AKAP10: variants seen among roughly 807,000 people sequenced by gnomAD.
AKAP10 encodes A-kinase anchoring protein 10.
In AKAP10, 24 loss-of-function variants were observed where a neutral mutation model predicts 80.8. The ratio of observed to expected loss-of-function variants is 0.30; its 90% confidence interval spans 0.22 to 0.42. The LOEUF is 0.42. Ranked by LOEUF, AKAP10 falls within the 10% of genes least tolerant of loss-of-function variation. The probability of loss-of-function intolerance (pLI) is 1.00; values close to 1 mark genes in which losing one functional copy is unlikely to be tolerated. For synonymous variants in AKAP10, 291 were observed against 277.7 expected (o/e 1.05, Z -0.48); for missense variants, 661 against 794.9 (o/e 0.83, Z 2.03).
At chr17:19,973,995 G>T (rs930448957) in intron 1 of AKAP10, among the ~76,000 whole-genome samples, 24 of 152,294 alleles carry the variant, frequency 1.6e-4, no homozygotes, top group African/African-American at 5.8e-4. Context: ...CTGAGGTCAG[G>T]AGTACAAAAC....
chr17:19,946,249 A>ATATATAT (rs2043117715), intron 5 of AKAP10, among the ~76,000 whole-genome samples: 1 of 16,976 alleles, frequency 5.9e-5, no homozygotes, highest in African/African-American at 3.4e-4. Flanking sequence ...ATATATATAT[A>ATATATAT]TATATATATA....
At chr17:19,964,751 G>C (rs1001422515) in intron 2 of AKAP10, among the ~76,000 whole-genome samples, 3 of 152,208 alleles carry the variant, frequency 2.0e-5, no homozygotes, top group Admixed American at 1.3e-4. Flanking sequence ...AAATTAGCTG[G>C]GCTTGGTGGC....
intron 4 of AKAP10, among the ~76,000 whole-genome samples, chr17:19,957,585 A>G (rs2043294185): frequency 6.6e-6 from 1 of 152,208 alleles, no homozygotes. Flanking sequence ...TCTTGTGACT[A>G]ATAAATAAAA....
chr17:19,942,521 C>T (rs532105705), intron 5 of AKAP10, among the ~76,000 whole-genome samples: 1 of 152,212 alleles, frequency 6.6e-6, no homozygotes, highest in Admixed American at 6.5e-5. Context: ...TCTAGCATAA[C>T]TTTAAAAATG....
chr17:19,926,223 C>T (rs1052042614), intron 10 of AKAP10, among the ~76,000 whole-genome samples: 15 of 150,614 alleles, frequency 1.0e-4, no homozygotes, highest in African/African-American at 3.7e-4. Context: ...TCCATAGGAT[C>T]ATTTATACTG....
At chr17:19,967,483 TAA>T (rs1385221463) in intron 2 of AKAP10, among the ~76,000 whole-genome samples, 1 of 152,224 alleles carries the variant, frequency 6.6e-6, no homozygotes, top group Non-Finnish European at 1.5e-5. Context: ...ACTAAATAAA[TAA>T]AGTGAACTAA....
At chr17:19,937,521 A>G (rs1422897593) in intron 8 of AKAP10, among the ~76,000 whole-genome samples, 1 of 152,048 alleles carries the variant, frequency 6.6e-6, no homozygotes, top group Non-Finnish European at 1.5e-5. Flanking sequence ...AAAAGAAGAA[A>G]AAAAAGAAAA....
chr17:19,948,642 C>A (rs1343640637), intron 4 of AKAP10, among the ~76,000 whole-genome samples: 1 of 151,990 alleles, frequency 6.6e-6, no homozygotes, highest in Non-Finnish European at 1.5e-5. Flanking sequence ...AGCCAGACAA[C>A]AGGAAAGGGA....
At chr17:19,927,241 A>G (rs1281679644) in intron 10 of AKAP10, among the ~76,000 whole-genome samples, 1 of 152,136 alleles carries the variant, frequency 6.6e-6, no homozygotes, top group Non-Finnish European at 1.5e-5. Flanking sequence ...GGCTGAAGTA[A>G]GAGGATCACT....
chr17:19,930,706 T>C (rs112873533), intron 10 of AKAP10, among the ~76,000 whole-genome samples: 2 of 151,986 alleles, frequency 1.3e-5, no homozygotes, highest in African/African-American at 4.8e-5. Context: ...CAAGACTCCA[T>C]CATTTAAAAA....
chr17:19,961,924 T>A (rs1475316529), intron 3 of AKAP10, among the ~76,000 whole-genome samples: 1 of 152,104 alleles, frequency 6.6e-6, no homozygotes, highest in African/African-American at 2.4e-5. Context: ...GAGACCAGCT[T>A]AGGCAACATA....
intron 3 of AKAP10, among the ~76,000 whole-genome samples, chr17:19,962,289 TAC>T (rs774337313): frequency 0.12 from 16,418 of 139,134 alleles, 894 homozygotes; most frequent in Admixed American, 0.14. Flanking sequence ...CATACATACA[TAC>T]ATATACACAC....
chr17:19,912,489 A>G (rs531440086), intron 12 of AKAP10, among the ~76,000 whole-genome samples: 2 of 152,356 alleles, frequency 1.3e-5, no homozygotes, highest in African/African-American at 4.8e-5. Flanking sequence ...GTGAGCCAAC[A>G]TCGCACCACT....
chr17:19,947,414 G>A lies in AKAP10; in HGVS notation c.969C>T (p.Asp323=). Residue 323 remains aspartate (D), a synonymous_variant, in exon 5 of 15, where the codon GAC becomes GAT. Transcript: ENST00000225737. Reference sequence around the variant, plus strand: ...GTTTCAAGCACTGCTTACCTATGATGTCATTTCTCATTGCTTCTGTAATTG... The same window carrying A: ...GTTTCAAGCACTGCTTACCTATGATATCATTTCTCATTGCTTCTGTAATTG... The part of the protein sequence containing the change: ...PIPITEAMRN[D]IIARICGEDG... 2 of 1,604,908 alleles carry A rather than the reference G, an allele frequency of 1.2e-6. No homozygotes were observed. The highest frequency in any genetic ancestry group is 1.7e-6 in the Non-Finnish European group (2 of 1,172,118).
At position 19,937,218 on chromosome 17, in the gene AKAP10, C is replaced by T. The variant is rs74255380; in HGVS notation, c.1323-788G>A. On this transcript the variant is annotated intron_variant, in intron 8 of 14. Transcript: ENST00000225737. ...TGCATATATATGATACAAAAACAAG[C>T]AGGCTGGGCACAGTGGCTCACGCCT... 2.7e-3 allele frequency among the ~76,000 whole-genome samples: 407 copies of T among 152,242 alleles called. 15 individuals carry two copies. In the East Asian group the frequency reaches 0.074, roughly 28 times the overall value.
Position 19,946,275 on chromosome 17 carries a change from A to ATTTTTTT in AKAP10, c.976+1125_976+1131dup, listed in dbSNP as rs71157846. Among the ~76,000 whole-genome samples, 14 of 12,944 alleles carry ATTTTTTT rather than the reference A, an allele frequency of 1.1e-3. 1 individual carries two copies. The highest frequency in any genetic ancestry group is 1.6e-3 in the Non-Finnish European group (12 of 7,310). 8.5% of individuals were successfully genotyped at this position (12,944 alleles called of 152,430 possible). On this transcript the variant is annotated intron_variant, in intron 5 of 14. Coordinates refer to ENST00000225737, the MANE Select transcript of AKAP10 (RefSeq NM_007202.4). Reference sequence around the variant, plus strand: ...TATATATATATATATATATATATATATTTTTTTTTTTTTTTTTTTTTTTTG... The same window carrying ATTTTTTT: ...TATATATATATATATATATATATATATTTTTTTTTTTTTTTTTTTTTTTTTTTTTTTG...
chr17:19,946,986 T>C (rs1329952024), intron 5 of AKAP10, among the ~76,000 whole-genome samples: 1 of 152,170 alleles, frequency 6.6e-6, no homozygotes, highest in Non-Finnish European at 1.5e-5. Flanking sequence ...GTGAGACTCT[T>C]GGGCTGCAGC....
chr17:19,909,700 C>T (rs1263962969), intron 13 of AKAP10, among the ~76,000 whole-genome samples: 2 of 152,186 alleles, frequency 1.3e-5, no homozygotes, highest in African/African-American at 4.8e-5. Context: ...CATGTATATC[C>T]TTCAGTGGTC....
At chr17:19,947,087 C>T (rs929008637) in intron 5 of AKAP10, 26 of 302,378 alleles carry the variant, frequency 8.6e-5, no homozygotes, top group Non-Finnish European at 1.5e-4. Flanking sequence ...TGCACTGGTG[C>T]GGGGCTGCCG....
Sources: allele counts gnomAD v4.1 joint callset (sites outside exome capture counted in the v4.1 genomes callset), GRCh38; gene constraint gnomAD v4.1.1; transcripts MANE v1.5; gene names NCBI Gene and HGNC (gene_info 2026-07-23, HGNC 2026-07-21).